ANTXR2: variants seen among roughly 807,000 people sequenced by gnomAD.
ANTXR2 encodes the protein ANTXR cell adhesion molecule 2.
Under a neutral mutation model 73.7 loss-of-function variants are expected in ANTXR2, and 44 were observed. That is an observed-to-expected ratio of 0.60 (90% CI 0.47 to 0.77). The LOEUF (loss-of-function observed/expected upper bound fraction) is 0.77, where lower values mean the gene tolerates loss of function less well. Ranked by LOEUF, ANTXR2 falls within the 30% of genes least tolerant of loss-of-function variation. The probability of loss-of-function intolerance (pLI) is 0.00; values close to 1 mark genes in which losing one functional copy is unlikely to be tolerated. For missense variants in ANTXR2, 604 were observed against 592.5 expected, an observed-to-expected ratio of 1.02 and a Z score of -0.20; for synonymous variants, 217 against 205.9, an observed-to-expected ratio of 1.05 and a Z score of -0.46.
chr4:79,963,941 G>A (rs1216045860), intron 16 of ANTXR2, among the ~76,000 whole-genome samples: 1 of 152,104 alleles, frequency 6.6e-6, no homozygotes, highest in Non-Finnish European at 1.5e-5. Flanking sequence ...TGTAACTATA[G>A]GAATGAAGTC....
At position 80,008,627 on chromosome 4, in the gene ANTXR2, CA is replaced by C. The variant is rs1340835263; in HGVS notation, c.946-12del. The C allele has an allele frequency of 1.3e-6, 2 of 1,561,278 alleles. No individual in the cohort carries two copies. The highest frequency in any genetic ancestry group is 2.3e-5 in the East Asian group (1 of 42,596). On this transcript the variant is annotated splice_polypyrimidine_tract_variant and intron_variant, in intron 11 of 16. Coordinates refer to ENST00000403729, the MANE Select transcript of ANTXR2 (RefSeq NM_058172.6). ...TGCGATCCCGTTAGACTAAAGTAGG[CA>C]AAAAGCAAAAACAAAGCAGTCAGCA...
At chr4:79,950,348 G>A (rs967665691) in intron 16 of ANTXR2, among the ~76,000 whole-genome samples, 2 of 151,944 alleles carry the variant, frequency 1.3e-5, no homozygotes, top group South Asian at 2.1e-4. Context: ...TACCCTTGTC[G>A]ATTTACAAAA....
intron 3 of ANTXR2, among the ~76,000 whole-genome samples, chr4:80,062,488 C>G (rs186812240): frequency 6.6e-6 from 1 of 152,154 alleles, no homozygotes; most frequent in Non-Finnish European, 1.5e-5. Context: ...GGGACTTCAG[C>G]GAAAGTGACT....
intron 12 of ANTXR2, among the ~76,000 whole-genome samples, chr4:79,997,621 G>A (rs1730791828): frequency 6.6e-6 from 1 of 151,888 alleles, no homozygotes; most frequent in African/African-American, 2.4e-5. Flanking sequence ...TATGATTCAA[G>A]TTATCTCATC....
intron 16 of ANTXR2, among the ~76,000 whole-genome samples, chr4:79,975,601 A>T (rs543599898): frequency 6.6e-6 from 1 of 152,344 alleles, no homozygotes; most frequent in East Asian, 1.9e-4. Context: ...GGTGAAAATT[A>T]TTGAACAAAT....
chr4:80,050,484 T>G (rs1283556126), intron 7 of ANTXR2, among the ~76,000 whole-genome samples: 3 of 151,734 alleles, frequency 2.0e-5, no homozygotes, highest in Non-Finnish European at 4.4e-5. Flanking sequence ...GTTAGTTTCC[T>G]GCCATGCCTA....
At chr4:79,936,401 G>T (rs1322345397) in intron 16 of ANTXR2, among the ~76,000 whole-genome samples, 6 of 152,128 alleles carry the variant, frequency 3.9e-5, no homozygotes, top group Non-Finnish European at 7.4e-5. Context: ...ACTAAAACTG[G>T]TTGCACTGCA....
intron 3 of ANTXR2, among the ~76,000 whole-genome samples, chr4:80,062,085 T>C (rs959423305): frequency 2.0e-5 from 3 of 152,212 alleles, no homozygotes; most frequent in African/African-American, 4.8e-5. Flanking sequence ...TATCTTACTA[T>C]AGTCTATGTA....
intron 10 of ANTXR2, among the ~76,000 whole-genome samples, chr4:80,026,890 T>C (rs1732471961): frequency 6.6e-6 from 1 of 152,106 alleles, no homozygotes; most frequent in South Asian, 2.1e-4. Flanking sequence ...TAAAAGACAT[T>C]GCCAGAACCG....
intron 16 of ANTXR2, among the ~76,000 whole-genome samples, chr4:79,947,412 T>C (rs1213809750): frequency 3.9e-5 from 6 of 152,130 alleles, no homozygotes; most frequent in African/African-American, 1.4e-4. Flanking sequence ...TCATTCATAT[T>C]TTAAGTGCTA....
At position 79,978,046 on chromosome 4, in the gene ANTXR2, T is replaced by G. The variant is rs764363255; in HGVS notation, c.1308A>C (p.Thr436=). 4.3e-6 allele frequency: 7 copies of G among 1,609,782 alleles called. No individual in the cohort carries two copies. The African/African-American group carries it at 9.4e-5, about 22-fold the overall frequency. ...ACCATTTTGTCTGAGGAGGCTGGTG[T>G]GTGGGTTTGGGTCGAGGTGGTCTAG... ...IRPRPPRPKP[T]HQPPQTKWYT... Residue 436 remains threonine (T), a synonymous_variant, in exon 15 of 17, where the codon ACA becomes ACC. Transcript: ENST00000403729.
intron 10 of ANTXR2, among the ~76,000 whole-genome samples, chr4:80,027,481 G>A (rs979030454): frequency 3.9e-5 from 6 of 152,026 alleles, no homozygotes; most frequent in African/African-American, 1.2e-4. Context: ...AGACAGTGAC[G>A]TCCCACCACT....
At chr4:79,993,762 A>ACC (rs1730595816) in intron 12 of ANTXR2, among the ~76,000 whole-genome samples, 1 of 66,608 alleles carries the variant, frequency 1.5e-5, no homozygotes, top group Non-Finnish European at 4.1e-5. Context: ...ACACACACGC[A>ACC]CACACACACA....
chr4:80,027,358 G>GA (rs1020159155), intron 10 of ANTXR2, among the ~76,000 whole-genome samples: 7 of 150,696 alleles, frequency 4.6e-5, no homozygotes, highest in South Asian at 4.2e-4. Flanking sequence ...GCTTAATACT[G>GA]AAAAAAAAAG....
chr4:80,060,165 C>A (rs932213909), intron 3 of ANTXR2, among the ~76,000 whole-genome samples: 1 of 152,148 alleles, frequency 6.6e-6, no homozygotes, highest in Non-Finnish European at 1.5e-5. Flanking sequence ...ACACTCAGTC[C>A]AGGGGTCACT....
chr4:80,014,392 C>T (rs1284733543), intron 11 of ANTXR2, among the ~76,000 whole-genome samples: 3 of 151,824 alleles, frequency 2.0e-5, no homozygotes, highest in Admixed American at 2.0e-4. Context: ...CGTGGTGAAA[C>T]CCCGTCTCTA....
At chr4:80,029,466 A>G (rs981964496) in intron 10 of ANTXR2, among the ~76,000 whole-genome samples, 2 of 152,062 alleles carry the variant, frequency 1.3e-5, no homozygotes, top group Non-Finnish European at 2.9e-5. Context: ...TAACTGGTAA[A>G]CAAAAATATT....
chr4:79,909,885 A>C lies in ANTXR2; in HGVS notation c.1429-2418T>G, dbSNP rs527594174. On this transcript the variant is annotated intron_variant, in intron 16 of 16. Transcript: ENST00000403729. ...CTGTTAAGCATTTCCCAGTTTTCCC[A>C]GTTGTGGGGCTCCTTCTCCCAAAGA... Among the ~76,000 whole-genome samples, 26 of 152,286 alleles carry C rather than the reference A, an allele frequency of 1.7e-4. 1 individual carries two copies. The South Asian group carries it at 5.2e-3, about 30-fold the overall frequency.
intron 16 of ANTXR2, among the ~76,000 whole-genome samples, chr4:79,935,207 A>T (rs553487746): frequency 2.0e-5 from 3 of 152,032 alleles, no homozygotes; most frequent in East Asian, 3.9e-4. Flanking sequence ...TAAAAATTAC[A>T]TGTCATCGCC....
Sources: allele counts gnomAD v4.1 joint callset (sites outside exome capture counted in the v4.1 genomes callset), GRCh38; gene constraint gnomAD v4.1.1; transcripts MANE v1.5; gene names NCBI Gene and HGNC (gene_info 2026-07-23, HGNC 2026-07-21).